The following NOX4 variants were observed in gnomAD, a reference collection of about 807,000 sequenced individuals.
NOX4 encodes the protein NADPH oxidase 4, also known as kidney oxidase-1.
Under a neutral mutation model 87.6 loss-of-function variants are expected in NOX4, and 69 were observed. The ratio of observed to expected loss-of-function variants is 0.79; its 90% CI spans 0.65 to 0.96. NOX4 has a LOEUF of 0.96. Ranked by LOEUF, NOX4 falls within the 40% of genes least tolerant of loss-of-function variation. NOX4 has a pLI of 0.00. For missense variants in NOX4, 680 were observed against 681.5 expected, an observed-to-expected ratio of 1.00 and a Z score of 0.02; for synonymous variants, 275 against 238.2, an observed-to-expected ratio of 1.15 and a Z score of -1.42.
chr11:89,362,621 T>C (rs1029826207), intron 12 of NOX4, among the ~76,000 whole-genome samples: 2 of 152,096 alleles, frequency 1.3e-5, no homozygotes, highest in Admixed American at 6.6e-5. Context: ...CATCTATCTA[T>C]ACGTGTGTGT....
At chr11:89,556,075 A>G in the NOX4 span, among the ~76,000 whole-genome samples, 4 of 152,184 alleles carry the variant, frequency 2.6e-5, no homozygotes, top group African/African-American at 9.7e-5. Flanking sequence ...AACAGGGTAG[A>G]CAGCAAGAGC....
chr11:89,452,392 C>A (rs956655612), intron 2 of NOX4, among the ~76,000 whole-genome samples: 2 of 152,028 alleles, frequency 1.3e-5, no homozygotes, highest in African/African-American at 4.8e-5. Flanking sequence ...CTGCTTATCA[C>A]TAACTCTACT....
chr11:89,570,974 A>G, the NOX4 span, among the ~76,000 whole-genome samples: 3 of 152,238 alleles, frequency 2.0e-5, no homozygotes, highest in Non-Finnish European at 4.4e-5. Flanking sequence ...ACTTTATGCA[A>G]TTTAATCATA....
chr11:89,390,088 C>T (rs1177891190), intron 11 of NOX4, among the ~76,000 whole-genome samples: 2 of 152,108 alleles, frequency 1.3e-5, no homozygotes, highest in Non-Finnish European at 2.9e-5. Flanking sequence ...ACTCTTAAGA[C>T]AACTATGCAG....
intron 11 of NOX4, 123 bp from the exon 12 acceptor site, chr11:89,373,615 T>TA (rs2135061389): frequency 6.1e-6 from 4 of 659,892 alleles, no homozygotes; most frequent in South Asian, 5.8e-5. Context: ...AGGAACAGAC[T>TA]AAAATCTATA....
chr11:89,474,458 CAAAAAAAAA>C (rs67342388), intron 2 of NOX4, among the ~76,000 whole-genome samples: 1 of 97,044 alleles, frequency 1.0e-5, no homozygotes, highest in African/African-American at 3.4e-5. Flanking sequence ...TCTATAATAC[CAAAAAAAAA>C]AAAAAAAAAA....
chr11:89,348,554 C>T (rs1946316152), intron 13 of NOX4, among the ~76,000 whole-genome samples: 1 of 152,118 alleles, frequency 6.6e-6, no homozygotes, highest in Non-Finnish European at 1.5e-5. Flanking sequence ...GATGTTGAGG[C>T]TGCAGTGGGC....
At chr11:89,356,887 C>A (rs888328402) in intron 12 of NOX4, among the ~76,000 whole-genome samples, 1 of 152,058 alleles carries the variant, frequency 6.6e-6, no homozygotes, top group Non-Finnish European at 1.5e-5. Context: ...CCAGCAGAGA[C>A]CAAACGGTCA....
At chr11:89,397,790 C>T (rs1361697571) in intron 11 of NOX4, among the ~76,000 whole-genome samples, 1 of 151,830 alleles carries the variant, frequency 6.6e-6, no homozygotes, top group Non-Finnish European at 1.5e-5. Flanking sequence ...CTGAAAAGAC[C>T]AATAACAGGC....
chr11:89,450,450 A>G (rs1380902219), intron 3 of NOX4, among the ~76,000 whole-genome samples: 1 of 152,164 alleles, frequency 6.6e-6, no homozygotes, highest in Non-Finnish European at 1.5e-5. Flanking sequence ...ACACACAGTC[A>G]CACATATACA....
At chr11:89,551,999 A>C in the NOX4 span, among the ~76,000 whole-genome samples, 1 of 152,152 alleles carries the variant, frequency 6.6e-6, no homozygotes, top group Non-Finnish European at 1.5e-5. Context: ...ACACTCACAC[A>C]CATATATACA....
chr11:89,435,977 G>A (rs1346803595), intron 6 of NOX4, among the ~76,000 whole-genome samples: 1 of 152,084 alleles, frequency 6.6e-6, no homozygotes. Flanking sequence ...CAATTAGCAA[G>A]GGCAGAAAAG....
intron 2 of NOX4, among the ~76,000 whole-genome samples, chr11:89,481,429 A>T (rs1946387093): frequency 6.6e-6 from 1 of 151,960 alleles, no homozygotes; most frequent in Admixed American, 6.6e-5. Context: ...GCATTTTCTC[A>T]TGTTGTCCTT....
chr11:89,439,330 A>G (rs1944357662), intron 6 of NOX4, among the ~76,000 whole-genome samples: 1 of 151,918 alleles, frequency 6.6e-6, no homozygotes, highest in Non-Finnish European at 1.5e-5. Context: ...CTAAATGAAA[A>G]CATGTTTTCA....
the NOX4 span, among the ~76,000 whole-genome samples, chr11:89,564,014 G>T: frequency 2.6e-5 from 4 of 152,064 alleles, no homozygotes; most frequent in African/African-American, 9.7e-5. Context: ...CAGTAGCCTT[G>T]CCTTTGACAT....
At chr11:89,531,373 G>C in the NOX4 span, among the ~76,000 whole-genome samples, 1 of 152,114 alleles carries the variant, frequency 6.6e-6, no homozygotes, top group African/African-American at 2.4e-5. Flanking sequence ...TAGATTACCA[G>C]CTCAAATTAG....
At chr11:89,472,570 C>CATCTATTAAA (rs1945995853) in intron 2 of NOX4, among the ~76,000 whole-genome samples, 1 of 152,024 alleles carries the variant, frequency 6.6e-6, no homozygotes, top group Admixed American at 6.6e-5. Flanking sequence ...AAATGACATT[C>CATCTATTAAA]TTCCATTTTC....
chr11:89,527,519 T>A, the NOX4 span, among the ~76,000 whole-genome samples: 1 of 152,116 alleles, frequency 6.6e-6, no homozygotes, highest in East Asian at 1.9e-4. Context: ...ACTGGTTTTG[T>A]GGGCTGGGCA....
intron 8 of NOX4, among the ~76,000 whole-genome samples, chr11:89,414,668 TATC>T (rs921442931): frequency 2.0e-5 from 3 of 150,332 alleles, no homozygotes; most frequent in East Asian, 1.9e-4. Context: ...ATTATAGAGT[TATC>T]ATATTATTAT....
Sources: allele counts gnomAD v4.1 joint callset (sites outside exome capture counted in the v4.1 genomes callset), GRCh38; gene constraint gnomAD v4.1.1; transcripts MANE v1.5; gene names NCBI Gene and HGNC (gene_info 2026-07-23, HGNC 2026-07-21).